HECW2: variants seen among roughly 807,000 people sequenced by gnomAD.
HECW2 encodes HECT, C2 and WW domain containing E3 ubiquitin protein ligase 2.
A neutral mutation model predicts 175.2 loss-of-function variants in HECW2; 61 were observed. That is an observed-to-expected ratio of 0.35 (90% confidence interval 0.28 to 0.43). HECW2 has a LOEUF of 0.43. HECW2 is among the 20% of genes least tolerant of loss of function. The pLI is 1.00. For missense variants in HECW2, 1,524 were observed against 2,000.5 expected, an observed-to-expected ratio of 0.76 and a Z score of 4.54; for synonymous variants, 671 against 731.0, an observed-to-expected ratio of 0.92 and a Z score of 1.32.
rs1559005277 is a variant in HECW2, at chr2:196,278,135, T to TATATATATATATATATATATATATAC, written c.3135+392_3135+393insGTATATATATATATATATATATATAT. The stretch of plus-strand genomic sequence containing the variant: ...TAGAACTTAAAGTATAATTAAAAAA[T>TATATATATATATATATATATATATAC]ATATATATATATATATAAAGAAATT... On this transcript the variant is annotated intron_variant, in intron 15 of 28. Coordinates refer to ENST00000644978, the MANE Select transcript of HECW2 (RefSeq NM_001348768.2). 6.2e-5 allele frequency among the ~76,000 whole-genome samples: 6 copies of TATATATATATATATATATATATATAC among 97,528 alleles called. 1 individual carries two copies. The highest frequency in any genetic ancestry group is 1.9e-4 in the African/African-American group (6 of 31,106). The allele number at this position is 97,528 out of a possible 152,430, so 64.0% of individuals were successfully genotyped here. A position where few individuals can be genotyped will look rare whatever the true frequency, so the allele number is the denominator to read the frequency against.
At chr2:196,484,613 A>G (rs996278497) in intron 1 of HECW2, among the ~76,000 whole-genome samples, 2 of 152,138 alleles carry the variant, frequency 1.3e-5, no homozygotes, top group African/African-American at 4.8e-5. Context: ...CTTAGATAAT[A>G]CCATCCCAGG....
intron 2 of HECW2, among the ~76,000 whole-genome samples, chr2:196,401,142 A>G (rs1318022419): frequency 2.6e-5 from 4 of 152,250 alleles, no homozygotes; most frequent in Non-Finnish European, 2.9e-5. Flanking sequence ...TACTGACACA[A>G]ATGCTCAAAA....
chr2:196,473,811 CT>C (rs1697312914), intron 1 of HECW2, among the ~76,000 whole-genome samples: 1 of 152,326 alleles, frequency 6.6e-6, no homozygotes, highest in East Asian at 1.9e-4. Flanking sequence ...ATCTAGGAAA[CT>C]GAATGCCACT....
rs776586750 is a variant in HECW2, at chr2:196,215,884, T to C, written c.4588A>G (p.Lys1530Glu). 2 of 1,611,792 alleles carry C rather than the reference T, an allele frequency of 1.2e-6. No individual in the cohort carries two copies. Among genetic ancestry groups the C allele is most frequent in the Non-Finnish European group, 1.7e-6 (2 of 1,177,920 alleles). Residue 1530 changes from lysine (K) to glutamate (E), a missense_variant, in exon 28 of 29, where the codon AAA (lysine) becomes GAA (glutamate). By Grantham distance (56) the Lys-to-Glu change is moderately conservative (BLOSUM62 1). Around this residue, in one of 11 missense-constraint regions of HECW2, gnomAD observed 134 missense variants for 287.8 expected, o/e 0.47. Coordinates refer to ENST00000644978, the MANE Select transcript of HECW2 (RefSeq NM_001348768.2). ...TTTTACCTGGGAAGAGCAGTGATTTTCCCCCATTTCTCCACACAGAATCTT... is the reference window on the plus strand; with the variant it reads ...TTTTACCTGGGAAGAGCAGTGATTTCCCCCCATTTCTCCACACAGAATCTT... The part of the protein sequence containing the change: ...PRRFCVEKWG[K>E]ITALPRAHTC...
intron 2 of HECW2, among the ~76,000 whole-genome samples, chr2:196,417,948 AAAAGATACATAGT>A (rs1469947154): frequency 6.6e-6 from 1 of 152,244 alleles, no homozygotes; most frequent in Non-Finnish European, 1.5e-5. Context: ...GGATGCCTTA[AAAAGATACATAGT>A]AAATATTTAG....
At chr2:196,564,338 TA>T (rs534703547) in intron 1 of HECW2, among the ~76,000 whole-genome samples, 4 of 152,158 alleles carry the variant, frequency 2.6e-5, no homozygotes, top group Admixed American at 6.6e-5. Context: ...AAAAATGGGA[TA>T]ATTCAACATA....
At chr2:196,295,736 TA>T (rs1413272157) in intron 13 of HECW2, among the ~76,000 whole-genome samples, 1 of 152,222 alleles carries the variant, frequency 6.6e-6, no homozygotes, top group Non-Finnish European at 1.5e-5. Flanking sequence ...CAGTGGCAAT[TA>T]AGTTAAGAAA....
rs1365688174 is a variant in HECW2 at position 196,201,227 on chromosome 2, G to A, written c.*50C>T. 9.7e-6 allele frequency: 11 copies of A among 1,138,820 alleles called. No homozygotes were observed. Among genetic ancestry groups the A allele is most frequent in the Admixed American group, 1.7e-5 (1 of 59,200 alleles). 70.5% of individuals were successfully genotyped at this position (1,138,820 alleles called of 1,614,324 possible). On this transcript the variant is annotated 3_prime_UTR_variant, in exon 29 of 29. Coordinates refer to ENST00000644978, the MANE Select transcript of HECW2 (RefSeq NM_001348768.2). ...CCAATGTTCAATCATTCTTCTAGAA[G>A]GCAGCTTCTGAACCTGCCTGTCCAC...
chr2:196,450,122 A>G (rs1422368908), intron 1 of HECW2, among the ~76,000 whole-genome samples: 1 of 152,154 alleles, frequency 6.6e-6, no homozygotes, highest in Non-Finnish European at 1.5e-5. Context: ...GTCCATCCCT[A>G]TGCATCCAAA....
intron 1 of HECW2, among the ~76,000 whole-genome samples, chr2:196,443,110 G>C (rs1696087358): frequency 6.6e-6 from 1 of 152,172 alleles, no homozygotes; most frequent in Non-Finnish European, 1.5e-5. Context: ...GCTCAGGACT[G>C]ACTGGTAGGA....
chr2:196,212,459 T>C lies in HECW2; in HGVS notation c.4607+3406A>G, dbSNP rs770873628. On this transcript the variant is annotated intron_variant, in intron 28 of 28. Coordinates refer to ENST00000644978, the MANE Select transcript of HECW2 (RefSeq NM_001348768.2). The stretch of plus-strand genomic sequence containing the variant: ...AGAAGATGTAGTATTTGGTTTTCTG[T>C]TCCTGTGTTAGTTTGCTAAGGATAA... Among the ~76,000 whole-genome samples, 5 of 152,222 alleles carry C rather than the reference T, an allele frequency of 3.3e-5. No homozygotes were observed. The South Asian group carries it at 8.3e-4, about 25-fold the overall frequency.
At chr2:196,249,500 A>G (rs1688779698) in intron 19 of HECW2, among the ~76,000 whole-genome samples, 1 of 152,218 alleles carries the variant, frequency 6.6e-6, no homozygotes, top group African/African-American at 2.4e-5. Flanking sequence ...GGAATTCTCA[A>G]TGAAGATCAT....
Position 196,322,507 on chromosome 2 carries a change from G to A in HECW2, c.855C>T (p.Val285=). Reference sequence around the variant, plus strand: ...TGGCTTGTCGCTCCAGCAGCCTCTGGACTGGAATGGTTAGTTTCCCCAGAA... The same window carrying A: ...TGGCTTGTCGCTCCAGCAGCCTCTGAACTGGAATGGTTAGTTTCCCCAGAA... ...KRFLGKLTIP[V]QRLLERQAIG... The change falls in exon 7 of 29, where the codon GTC becomes GTT. Residue 285 remains valine, a synonymous_variant. Transcript: ENST00000644978. The A allele has an allele frequency of 6.2e-7, 1 of 1,614,016 alleles. No individual in the cohort carries two copies. The highest frequency in any genetic ancestry group is 2.2e-5 in the East Asian group (1 of 44,868).
intron 2 of HECW2, among the ~76,000 whole-genome samples, chr2:196,391,157 A>G (rs571288166): frequency 2.6e-5 from 4 of 152,324 alleles, no homozygotes; most frequent in Admixed American, 2.0e-4. Context: ...TTCTAAATAT[A>G]TAGTCTCTCT....
chr2:196,502,305 C>T lies in HECW2; in HGVS notation c.-35-68847G>A, dbSNP rs148991933. On this transcript the variant is annotated intron_variant, in intron 1 of 28. Transcript: ENST00000644978. ...TTTGTTCCAACCTAATTGAACTGTA[C>T]GTCATCCTAGAATGGATATTTAAAG... Among the ~76,000 whole-genome samples, 14 of 152,182 alleles carry T rather than the reference C, an allele frequency of 9.2e-5. No individual in the cohort carries two copies. In the East Asian group the frequency reaches 1.5e-3, roughly 17 times the overall value.
Position 196,555,974 on chromosome 2 carries a change from T to C in HECW2, c.-36+37534A>G, listed in dbSNP as rs374221817. Among the ~76,000 whole-genome samples, 31 of 152,220 alleles carry C rather than the reference T, an allele frequency of 2.0e-4. No homozygotes were observed. The East Asian group carries it at 2.1e-3, about 10-fold the overall frequency. The stretch of plus-strand genomic sequence containing the variant: ...CCACCACGTCCTTATGTGATTCAAC[T>C]ACAATCTTCCATCAAGGCCACTTCC... On this transcript the variant is annotated intron_variant, in intron 1 of 28. Transcript: ENST00000644978.
chr2:196,474,707 T>C (rs918132857), intron 1 of HECW2, among the ~76,000 whole-genome samples: 10 of 152,218 alleles, frequency 6.6e-5, no homozygotes, highest in Non-Finnish European at 1.3e-4. Context: ...TCTCATTCTA[T>C]CTCCATTGCC....
intron 1 of HECW2, among the ~76,000 whole-genome samples, chr2:196,488,893 A>G (rs1426226150): frequency 6.6e-6 from 1 of 152,198 alleles, no homozygotes; most frequent in African/African-American, 2.4e-5. Flanking sequence ...GCCTACACAT[A>G]AGAAGCACTC....
chr2:196,323,915 GTTTGTTT>G (rs1692049401), intron 6 of HECW2, among the ~76,000 whole-genome samples: 3 of 68,838 alleles, frequency 4.4e-5, no homozygotes, highest in African/African-American at 1.3e-4. Flanking sequence ...TTTGTTTTTT[GTTTGTTT>G]TTTTTTTTTT....
Sources: gnomAD v4.1 joint callset for allele counts (sites outside exome capture counted in the v4.1 genomes callset) on GRCh38, gnomAD v4.1.1 for gene constraint, gnomAD v4.1.1 regional missense constraint, MANE v1.5 for transcripts, NCBI Gene and HGNC (gene_info 2026-07-23, HGNC 2026-07-21) for gene names.